Variants in ANKFN1 observed in about 807,000 individuals in gnomAD.
ANKFN1 encodes the protein ankyrin repeat and fibronectin type III domain containing 1.
Under a neutral mutation model 108.7 loss-of-function variants are expected in ANKFN1, and 74 were observed. The observed-to-expected ratio is 0.68, with a 90% CI of 0.56 to 0.83. The LOEUF is 0.83. Among genes scored for constraint, ANKFN1 ranks in the 40% least tolerant of loss-of-function variants. The pLI is 0.00. For synonymous variants in ANKFN1, 547 were observed against 516.2 expected (o/e 1.06, Z -0.81); for missense variants, 1,505 against 1,382.3 (o/e 1.09, Z -1.41).
At chr17:56,047,204 G>T (rs751928459) in intron 4 of ANKFN1, among the ~76,000 whole-genome samples, 1 of 152,170 alleles carries the variant, frequency 6.6e-6, no homozygotes, top group African/African-American at 2.4e-5. Context: ...AAAGTTGCCT[G>T]TATCCTGGTT....
intron 2 of ANKFN1, among the ~76,000 whole-genome samples, chr17:56,213,228 G>A (rs527498034): frequency 1.3e-5 from 2 of 152,276 alleles, no homozygotes; most frequent in East Asian, 3.9e-4. Flanking sequence ...GCTGGCACCA[G>A]AGCAATGTGA....
intron 4 of ANKFN1, among the ~76,000 whole-genome samples, chr17:56,142,660 A>G (rs1182686361): frequency 6.6e-6 from 1 of 152,098 alleles, no homozygotes; most frequent in African/African-American, 2.4e-5. Flanking sequence ...CCTATCCTGT[A>G]TTTCCTCATG....
intron 8 of ANKFN1, among the ~76,000 whole-genome samples, chr17:56,389,202 T>A (rs1717093388): frequency 6.6e-6 from 1 of 152,178 alleles, no homozygotes; most frequent in African/African-American, 2.4e-5. Context: ...GGTATATCCA[T>A]ACCATGGAAT....
intron 4 of ANKFN1, among the ~76,000 whole-genome samples, chr17:56,127,047 A>C (rs1345472980): frequency 1.3e-5 from 2 of 152,238 alleles, no homozygotes; most frequent in African/African-American, 4.8e-5. Flanking sequence ...GGGGCACTGA[A>C]GCTAGGTCCA....
intron 8 of ANKFN1, among the ~76,000 whole-genome samples, chr17:56,425,458 AC>A (rs774679765): frequency 1.3e-5 from 2 of 152,256 alleles, no homozygotes; most frequent in Non-Finnish European, 2.9e-5. Flanking sequence ...AAATCTGATC[AC>A]ATAATGGCTG....
At chr17:56,174,205 C>T in intron 1 of ANKFN1, 2 of 985,598 alleles carry the variant, frequency 2.0e-6, no homozygotes, top group Admixed American at 6.1e-5. Flanking sequence ...AGCCAGATGC[C>T]TGCAGGGTTC....
chr17:56,379,512 T>G (rs1358093297), intron 8 of ANKFN1, among the ~76,000 whole-genome samples: 2 of 152,364 alleles, frequency 1.3e-5, no homozygotes, highest in African/African-American at 4.8e-5. Context: ...TTGATATGTA[T>G]ATGCACATGG....
At chr17:56,398,564 AAAGTTAAAT>A (rs2047656874) in intron 8 of ANKFN1, among the ~76,000 whole-genome samples, 1 of 152,164 alleles carries the variant, frequency 6.6e-6, no homozygotes, top group African/African-American at 2.4e-5. Context: ...CCTCAATCCA[AAAGTTAAAT>A]AAAGCTGATG....
intron 3 of ANKFN1, among the ~76,000 whole-genome samples, chr17:56,313,644 G>C (rs1214630908): frequency 6.6e-6 from 1 of 152,214 alleles, no homozygotes; most frequent in East Asian, 1.9e-4. Context: ...CCCATTCTTA[G>C]ATTAGTCTAT....
intron 4 of ANKFN1, among the ~76,000 whole-genome samples, chr17:56,124,269 A>G (rs1361941301): frequency 6.6e-6 from 1 of 152,200 alleles, no homozygotes; most frequent in Non-Finnish European, 1.5e-5. Flanking sequence ...GAATTTCCAC[A>G]TTTGACAGAT....
At chr17:56,116,285 G>T (rs1205126123) in intron 4 of ANKFN1, among the ~76,000 whole-genome samples, 1 of 152,084 alleles carries the variant, frequency 6.6e-6, no homozygotes, top group Non-Finnish European at 1.5e-5. Flanking sequence ...AGATAATAGG[G>T]CCTTATATAG....
At chr17:56,211,931 G>C (rs1032893556) in intron 1 of ANKFN1, among the ~76,000 whole-genome samples, 3 of 152,150 alleles carry the variant, frequency 2.0e-5, no homozygotes, top group Admixed American at 6.5e-5. Flanking sequence ...CAGAACTACT[G>C]ATATGTGTAC....
chr17:56,510,799 C>G lies in ANKFN1; in HGVS notation c.2971C>G (p.Arg991Gly), dbSNP rs1303488612. The change falls in exon 21 of 21, where the codon CGG (arginine) becomes GGG (glycine). Residue 991 changes from arginine (R) to glycine (G), a missense_variant. By Grantham distance (125) the Arg-to-Gly change is moderately radical. Transcript: ENST00000682825. Reference protein sequence around the residue: ...KNHAKTVSGGRPPLGFLGKRK... With the variant: ...KNHAKTVSGGGPPLGFLGKRK... ...CCACGCCAAGACTGTGTCCGGTGGG[C>G]GGCCCCCGCTAGGCTTCCTGGGAAA... The G allele has an allele frequency of 6.5e-7, 1 of 1,536,170 alleles. No homozygotes were observed. Among genetic ancestry groups the G allele is most frequent in the African/African-American group, 1.4e-5 (1 of 73,196 alleles).
intron 8 of ANKFN1, among the ~76,000 whole-genome samples, chr17:56,417,632 G>C (rs2048281955): frequency 6.6e-6 from 1 of 152,178 alleles, no homozygotes; most frequent in South Asian, 2.1e-4. Context: ...TACCCATTTT[G>C]TTATGGATAT....
At chr17:56,156,018 G>A (rs1419470928) in intron 1 of ANKFN1, among the ~76,000 whole-genome samples, 1 of 150,876 alleles carries the variant, frequency 6.6e-6, no homozygotes, top group Non-Finnish European at 1.5e-5. Context: ...GACCTATTGT[G>A]TAATTTGGGC....
intron 1 of ANKFN1, among the ~76,000 whole-genome samples, chr17:56,164,641 T>C (rs1191779096): frequency 6.6e-6 from 1 of 152,188 alleles, no homozygotes; most frequent in African/African-American, 2.4e-5. Context: ...TATTTGAAAA[T>C]AGCAAAGTCT....
At chr17:56,167,690 A>G (rs895183573) in intron 1 of ANKFN1, among the ~76,000 whole-genome samples, 6 of 152,150 alleles carry the variant, frequency 3.9e-5, no homozygotes, top group Admixed American at 1.3e-4. Context: ...TATCCATTGC[A>G]GGCAAGCAGG....
At chr17:56,111,502 CA>C (rs1275904868) in intron 4 of ANKFN1, among the ~76,000 whole-genome samples, 3 of 126,042 alleles carry the variant, frequency 2.4e-5, no homozygotes, top group African/African-American at 9.1e-5. Flanking sequence ...ATATTTAAGA[CA>C]AAACTTCTCA....
At chr17:56,467,783 GAAAGAAAGAAGAAAGAAAGAAAGAAAGA>G (rs1598663366) in intron 15 of ANKFN1, among the ~76,000 whole-genome samples, 19 of 22,916 alleles carry the variant, frequency 8.3e-4, no homozygotes, top group Admixed American at 1.7e-3. Flanking sequence ...AAGAAAGAAA[GAAAGAAAGAAGAAAGAAAGAAAGAAAGA>G]AAGAAAGAAA....
Sources: allele counts gnomAD v4.1 joint callset (sites outside exome capture counted in the v4.1 genomes callset), GRCh38; gene constraint gnomAD v4.1.1; transcripts MANE v1.5; gene names NCBI Gene and HGNC (gene_info 2026-07-23, HGNC 2026-07-21).